TRAPPC9: variants seen among roughly 807,000 people sequenced by gnomAD.
TRAPPC9 encodes trafficking protein particle complex subunit 9.
A neutral mutation model predicts 124.0 loss-of-function variants in TRAPPC9; 83 were observed. That is an observed-to-expected ratio of 0.67 (90% CI 0.56 to 0.80). The LOEUF is 0.80. Ranked by LOEUF, TRAPPC9 falls within the 30% of genes least tolerant of loss-of-function variation. The pLI is 0.00. For synonymous variants in TRAPPC9, 638 were observed against 617.5 expected, an observed-to-expected ratio of 1.03 and a Z score of -0.49; for missense variants, 1,302 against 1,508.3, an observed-to-expected ratio of 0.86 and a Z score of 2.27.
chr8:140,301,667 A>G (rs951394570), intron 10 of TRAPPC9, among the ~76,000 whole-genome samples: 6 of 152,216 alleles, frequency 3.9e-5, no homozygotes, highest in African/African-American at 1.4e-4. Context: ...ACTGATCGTG[A>G]TAAATCTACG....
At chr8:140,197,849 C>G (rs2062705279) in intron 17 of TRAPPC9, among the ~76,000 whole-genome samples, 1 of 152,182 alleles carries the variant, frequency 6.6e-6, no homozygotes, top group African/African-American at 2.4e-5. Flanking sequence ...CAGAAAGAGC[C>G]TTTCCTTGAC....
intron 7 of TRAPPC9, among the ~76,000 whole-genome samples, chr8:140,377,705 G>A (rs1171473425): frequency 3.3e-5 from 5 of 151,932 alleles, no homozygotes; most frequent in Non-Finnish European, 5.9e-5. Flanking sequence ...CAGCTAAAAC[G>A]TCCCCCACCC....
intron 18 of TRAPPC9, among the ~76,000 whole-genome samples, chr8:140,020,818 T>C (rs1238172121): frequency 6.6e-6 from 1 of 152,208 alleles, no homozygotes; most frequent in African/African-American, 2.4e-5. Context: ...TACTATGAAG[T>C]TATATTTGTA....
chr8:139,830,366 G>A lies in TRAPPC9; in HGVS notation c.3055+55513C>T, dbSNP rs115991084. 2.6e-3 allele frequency among the ~76,000 whole-genome samples: 383 copies of A among 149,036 alleles called. 3 individuals are homozygous for A. The highest frequency in any genetic ancestry group is 9.4e-3 in the African/African-American group (378 of 40,016). On this transcript the variant is annotated intron_variant, in intron 21 of 22. Transcript: ENST00000438773. ...CACACGCAATTACACATGCATACAC[G>A]CTACACATACACACACATGCATACA... is the stretch of plus-strand genomic sequence containing the variant.
intron 7 of TRAPPC9, among the ~76,000 whole-genome samples, chr8:140,390,979 C>A (rs2068907911): frequency 6.6e-6 from 1 of 152,190 alleles, no homozygotes; most frequent in Non-Finnish European, 1.5e-5. Flanking sequence ...TTTCCCAAAT[C>A]TCCCCGTGCC....
intron 15 of TRAPPC9, among the ~76,000 whole-genome samples, chr8:140,255,317 A>T (rs974083001): frequency 6.6e-6 from 1 of 152,226 alleles, no homozygotes; most frequent in Non-Finnish European, 1.5e-5. Context: ...TCATGGAAGG[A>T]GGTTAGCATA....
chr8:140,294,792 G>A (rs1034753197), intron 11 of TRAPPC9, among the ~76,000 whole-genome samples: 2 of 151,838 alleles, frequency 1.3e-5, no homozygotes, highest in East Asian at 1.9e-4. Flanking sequence ...TGTATTTTTA[G>A]TAGAGACAGG....
chr8:139,968,980 GAAC>G (rs1264771749), intron 19 of TRAPPC9, among the ~76,000 whole-genome samples: 6 of 152,338 alleles, frequency 3.9e-5, no homozygotes, highest in African/African-American at 1.4e-4. Flanking sequence ...TCCATGGCTA[GAAC>G]AACAGGAGTC....
At chr8:140,336,506 AAC>A (rs1399166120) in intron 9 of TRAPPC9, among the ~76,000 whole-genome samples, 2 of 152,146 alleles carry the variant, frequency 1.3e-5, no homozygotes, top group Admixed American at 1.3e-4. Context: ...AGCCCCAAGA[AAC>A]ACAGTAAAAT....
rs966665323 is a variant in TRAPPC9, at chr8:139,776,177, T to C, written c.3056-43975A>G. Among the ~76,000 whole-genome samples, 1 of 152,148 alleles carries C rather than the reference T, an allele frequency of 6.6e-6. No individual in the cohort carries two copies. The highest frequency in any genetic ancestry group is 2.4e-5 in the African/African-American group (1 of 41,416). The stretch of plus-strand genomic sequence containing the variant: ...ATGGGGGCTTGGGACCCAGCCTCAG[T>C]CTCTGGGCTCCCCGACAGGGTTCCT... On this transcript the variant is annotated intron_variant, in intron 21 of 22. Transcript: ENST00000438773. The surrounding 1 kb of genome is among the most constrained non-coding windows in gnomAD (Gnocchi z 4.1).
intron 17 of TRAPPC9, among the ~76,000 whole-genome samples, chr8:140,067,896 C>A (rs1385132966): frequency 6.6e-6 from 1 of 152,214 alleles, no homozygotes; most frequent in African/African-American, 2.4e-5. Flanking sequence ...GAAAGAAGAA[C>A]TGAGGCACGC....
At position 139,740,089 on chromosome 8, in the gene TRAPPC9, C is replaced by A. The variant is rs548622917; in HGVS notation, c.3056-7887G>T. On this transcript the variant is annotated intron_variant, in intron 21 of 22. Transcript: ENST00000438773. The stretch of plus-strand genomic sequence containing the variant: ...GAATGAGGACTCTAGGCCGAGCTAC[C>A]ATGCTCCGCTCTGGGCCCACAGATG... Among the ~76,000 whole-genome samples the A allele has an allele frequency of 2.6e-3, 402 of 152,348 alleles. 3 individuals are homozygous for A. Among genetic ancestry groups the A allele is most frequent in the African/African-American group, 9.2e-3 (382 of 41,582 alleles).
intron 14 of TRAPPC9, 27 bp downstream of exon 14, chr8:140,283,862 C>G: frequency 1.9e-6 from 3 of 1,613,572 alleles, no homozygotes; most frequent in Non-Finnish European, 1.7e-6. Flanking sequence ...CAGAGCCACT[C>G]TGCTCTGTGA....
intron 15 of TRAPPC9, among the ~76,000 whole-genome samples, chr8:140,266,430 T>C (rs1031678288): frequency 1.3e-4 from 20 of 148,158 alleles, no homozygotes; most frequent in African/African-American, 5.0e-4. Context: ...ACCACTGCAC[T>C]CCAGCCTGGG....
intron 16 of TRAPPC9, among the ~76,000 whole-genome samples, chr8:140,235,009 T>C (rs2063698788): frequency 6.6e-6 from 1 of 152,204 alleles, no homozygotes; most frequent in Non-Finnish European, 1.5e-5. Context: ...TCACTCTTGT[T>C]GCCCAGGAGG....
chr8:140,271,455 G>A (rs1403352681), intron 15 of TRAPPC9, among the ~76,000 whole-genome samples: 2 of 152,098 alleles, frequency 1.3e-5, no homozygotes, highest in South Asian at 2.1e-4. Context: ...GGATGGTCAC[G>A]CCACGCGTCC....
intron 17 of TRAPPC9, among the ~76,000 whole-genome samples, chr8:140,059,968 A>AGTCT (rs1187828234): frequency 1.3e-5 from 2 of 152,158 alleles, no homozygotes; most frequent in Non-Finnish European, 2.9e-5. Context: ...ATCATTTCTG[A>AGTCT]GTCTGCTTCC....
chr8:139,882,921 C>T (rs1036385523), intron 21 of TRAPPC9, among the ~76,000 whole-genome samples: 1 of 152,186 alleles, frequency 6.6e-6, no homozygotes, highest in Non-Finnish European at 1.5e-5. Flanking sequence ...AACCAAACTA[C>T]ATTTCCAAAA....
intron 17 of TRAPPC9, among the ~76,000 whole-genome samples, chr8:140,065,170 C>G (rs1842844673): frequency 6.6e-6 from 1 of 152,184 alleles, no homozygotes; most frequent in Non-Finnish European, 1.5e-5. Context: ...AAAATCTAAT[C>G]CAGAGCAATG....
Sources: gnomAD v4.1 joint callset for allele counts (sites outside exome capture counted in the v4.1 genomes callset) on GRCh38, gnomAD v4.1.1 for gene constraint, Gnocchi (gnomAD v3.1) non-coding constraint, MANE v1.5 for transcripts, NCBI Gene and HGNC (gene_info 2026-07-23, HGNC 2026-07-21) for gene names.